Variants in ARMH4 observed in about 807,000 individuals in gnomAD.
ARMH4 encodes armadillo-like helical domain-containing protein 4.
A neutral mutation model predicts 61.9 loss-of-function variants in ARMH4; 49 were observed. That is an observed-to-expected ratio of 0.79 (90% CI 0.63 to 1.00). The LOEUF (loss-of-function observed/expected upper bound fraction) is 1.00. ARMH4 is among the 50% of genes least tolerant of loss of function. The pLI, the probability that ARMH4 is intolerant of heterozygous loss-of-function variation, is 0.00. For synonymous variants in ARMH4, 368 were observed against 341.5 expected (o/e 1.08, Z -0.85); for missense variants, 934 against 930.0 (o/e 1.00, Z -0.06).
In ARMH4 at chr14:58,138,968, G is replaced by T; in HGVS notation, c.391C>A (p.Pro131Thr). ...SAEEVFGSSQPERISPESGLA... is the reference protein window; with the variant it reads ...SAEEVFGSSQTERISPESGLA... The stretch of plus-strand genomic sequence containing the variant: ...CCACTTTCAGGAGATATTCTCTCTG[G>T]CTGGCTGGAACCAAATACTTCTTCA... Residue 131 changes from proline to threonine, a missense_variant, in exon 2 of 8, where the codon CCA becomes ACA. Pro to Thr is a conservative substitution (Grantham distance 38). Transcript: ENST00000267485. 2 of 1,614,198 alleles carry T rather than the reference G, an allele frequency of 1.2e-6. No individual in the cohort carries two copies. Among genetic ancestry groups the T allele is most frequent in the Non-Finnish European group, 1.7e-6 (2 of 1,180,038 alleles).
chr14:58,004,635 G>A lies in ARMH4; in HGVS notation c.*101C>T, dbSNP rs1299722639. 1.1e-5 allele frequency: 11 copies of A among 1,016,556 alleles called. No individual in the cohort carries two copies. In the East Asian group the frequency reaches 2.6e-4, roughly 24 times the overall value. The allele number at this position is 1,016,556 out of a possible 1,614,324, so 63.0% of individuals were successfully genotyped here. A position where few individuals can be genotyped will look rare whatever the true frequency, so the allele number is the denominator to read the frequency against. ...CAGCAGACACTAGGACTAACGGCCTGATAGCAGCAATGTGGCAGGTTGTTC... is the reference window on the plus strand; with the variant it reads ...CAGCAGACACTAGGACTAACGGCCTAATAGCAGCAATGTGGCAGGTTGTTC... On this transcript the variant is annotated 3_prime_UTR_variant, in exon 8 of 8. Coordinates refer to ENST00000267485, the MANE Select transcript of ARMH4 (RefSeq NM_001001872.4).
At chr14:58,041,799 G>A (rs891919968) in intron 5 of ARMH4, among the ~76,000 whole-genome samples, 1 of 152,092 alleles carries the variant, frequency 6.6e-6, no homozygotes, top group East Asian at 1.9e-4. Context: ...TGCAATCCTA[G>A]TCTCGGATAA....
chr14:58,029,477 G>T (rs763768972), intron 5 of ARMH4, among the ~76,000 whole-genome samples: 1 of 151,992 alleles, frequency 6.6e-6, no homozygotes, highest in Non-Finnish European at 1.5e-5. Flanking sequence ...CAGGTGATCC[G>T]CCTACCTCGG....
chr14:58,021,383 G>A (rs1320160619), intron 5 of ARMH4, among the ~76,000 whole-genome samples: 3 of 152,196 alleles, frequency 2.0e-5, no homozygotes, highest in African/African-American at 7.2e-5. Context: ...CTTGCCTGCT[G>A]CCATGTAGGA....
intron 5 of ARMH4, among the ~76,000 whole-genome samples, chr14:58,045,125 G>T (rs1381398805): frequency 2.6e-5 from 4 of 152,140 alleles, no homozygotes; most frequent in African/African-American, 9.7e-5. Context: ...TATACCCAAA[G>T]GATTATAAAT....
intron 5 of ARMH4, among the ~76,000 whole-genome samples, chr14:58,083,692 C>T (rs1289871823): frequency 6.6e-6 from 1 of 152,206 alleles, no homozygotes; most frequent in East Asian, 1.9e-4. Flanking sequence ...TATTTTACAA[C>T]TCTTTAAATT....
At position 58,138,652 on chromosome 14, in the gene ARMH4, A is replaced by G. The variant is rs764965986; in HGVS notation, c.707T>C (p.Phe236Ser). 6 of 1,614,186 alleles carry G rather than the reference A, an allele frequency of 3.7e-6. No homozygotes were observed. The South Asian group carries it at 5.5e-5, about 15-fold the overall frequency. Residue 236 changes from phenylalanine to serine, a missense_variant, in exon 2 of 8, where the codon TTT becomes TCT. By Grantham distance (155) the Phe-to-Ser change is radical. Coordinates refer to ENST00000267485, the MANE Select transcript of ARMH4 (RefSeq NM_001001872.4). ...EADTDHRTTS[F>S]PGAESTAGSE... ...GCCTGCTGTGGACTCAGCACCAGGA[A>G]AAGAAGTTGTCCTGTGGTCTGTGTC...
intron 4 of ARMH4, among the ~76,000 whole-genome samples, chr14:58,099,462 G>A (rs1760163001): frequency 6.6e-6 from 1 of 152,138 alleles, no homozygotes; most frequent in Non-Finnish European, 1.5e-5. Flanking sequence ...GAGACTGAGG[G>A]TGTCCCTCTG....
intron 3 of ARMH4, among the ~76,000 whole-genome samples, chr14:58,132,625 C>CACCA (rs1264901523): frequency 7.5e-6 from 1 of 132,738 alleles, no homozygotes; most frequent in Non-Finnish European, 1.6e-5. Context: ...CTCGCTCTGT[C>CACCA]ACCAAGCCGG....
intron 1 of ARMH4, 106 bp from the exon 2 acceptor site, chr14:58,139,520 C>A (rs893897028): frequency 3.0e-6 from 2 of 670,290 alleles, no homozygotes; most frequent in Non-Finnish European, 5.0e-6. Context: ...TTATAATACA[C>A]AGAGATGGTA....
chr14:58,046,560 G>T (rs1346980537), intron 5 of ARMH4, among the ~76,000 whole-genome samples: 2 of 152,168 alleles, frequency 1.3e-5, no homozygotes, highest in African/African-American at 4.8e-5. Flanking sequence ...ACTTCAAAGA[G>T]CCCAAACCTG....
At chr14:58,132,629 A>C (rs1334499759) in intron 3 of ARMH4, among the ~76,000 whole-genome samples, 2 of 124,826 alleles carry the variant, frequency 1.6e-5, no homozygotes, top group African/African-American at 6.1e-5. Context: ...CTCTGTCACC[A>C]AGCCGGAGTG....
intron 5 of ARMH4, among the ~76,000 whole-genome samples, chr14:58,036,552 G>C (rs1298449394): frequency 1.3e-5 from 1 of 78,738 alleles, no homozygotes; most frequent in East Asian, 3.0e-4. Flanking sequence ...TCTGGCCAGG[G>C]CAATCAGGCA....
chr14:58,017,955 C>T (rs1882676000), intron 5 of ARMH4, among the ~76,000 whole-genome samples: 1 of 152,016 alleles, frequency 6.6e-6, no homozygotes, highest in Non-Finnish European at 1.5e-5. Flanking sequence ...ACTCAAGAGC[C>T]CAGAAATAAA....
At chr14:58,140,891 G>A (rs1331369616) in intron 1 of ARMH4, among the ~76,000 whole-genome samples, 2 of 152,006 alleles carry the variant, frequency 1.3e-5, no homozygotes, top group African/African-American at 4.8e-5. Flanking sequence ...CGACAAGAGT[G>A]AAACTCCATC....
Position 58,138,541 on chromosome 14 carries a change from G to A in ARMH4, c.818C>T (p.Pro273Leu). Reference protein sequence around the residue: ...DNTQAAATKQPLETSEYTLSV... With the variant: ...DNTQAAATKQLLETSEYTLSV... ...CAGGGTGTACTCGGAAGTTTCGAGTGGTTGCTTGGTGGCAGCAGCCTGGGT... is the reference window on the plus strand; with the variant it reads ...CAGGGTGTACTCGGAAGTTTCGAGTAGTTGCTTGGTGGCAGCAGCCTGGGT... The change falls in exon 2 of 8, where the codon CCA (proline) becomes CTA (leucine). Residue 273 changes from proline to leucine, a missense_variant. Pro to Leu is a moderately conservative substitution (Grantham distance 98). Coordinates refer to ENST00000267485, the MANE Select transcript of ARMH4 (RefSeq NM_001001872.4). 6.2e-7 allele frequency: 1 copy of A among 1,614,218 alleles called. No homozygotes were observed. The highest frequency in any genetic ancestry group is 8.5e-7 in the Non-Finnish European group (1 of 1,180,038).
At chr14:58,118,066 C>T (rs1375212692) in intron 4 of ARMH4, among the ~76,000 whole-genome samples, 3 of 152,164 alleles carry the variant, frequency 2.0e-5, no homozygotes, top group African/African-American at 7.2e-5. Context: ...TTATTCTACT[C>T]ATCAGTGTGG....
intron 5 of ARMH4, among the ~76,000 whole-genome samples, chr14:58,032,187 CTT>C (rs1325141968): frequency 6.6e-6 from 1 of 152,096 alleles, no homozygotes; most frequent in Non-Finnish European, 1.5e-5. Context: ...CCAGATGAGA[CTT>C]ATGTGTTTTG....
intron 5 of ARMH4, among the ~76,000 whole-genome samples, chr14:58,044,274 C>T (rs1296024421): frequency 6.6e-6 from 1 of 152,140 alleles, no homozygotes; most frequent in Admixed American, 6.5e-5. Flanking sequence ...GAGATATAGA[C>T]CAATGGAACA....
Sources: allele counts gnomAD v4.1 joint callset (sites outside exome capture counted in the v4.1 genomes callset), GRCh38; gene constraint gnomAD v4.1.1; transcripts MANE v1.5; gene names NCBI Gene and HGNC (gene_info 2026-07-23, HGNC 2026-07-21).